Variants in MPRIP observed in about 807,000 individuals in gnomAD.
MPRIP encodes the protein myosin phosphatase Rho interacting protein.
MPRIP carries 59 observed loss-of-function variants against 234.9 expected under a neutral mutation model. The ratio of observed to expected loss-of-function variants is 0.25; its 90% CI spans 0.20 to 0.31. The LOEUF is 0.31. Among genes scored for constraint, MPRIP ranks in the 10% least tolerant of loss-of-function variants. MPRIP has a pLI of 1.00. For synonymous variants in MPRIP, 1,144 were observed against 1,263.9 expected, an observed-to-expected ratio of 0.91 and a Z score of 2.01; for missense variants, 2,436 against 3,071.0, an observed-to-expected ratio of 0.79 and a Z score of 4.89.
chr17:17,080,233 A>G (rs12450467), intron 3 of MPRIP, among the ~76,000 whole-genome samples: 12,570 of 152,254 alleles, frequency 0.083, 730 homozygotes, highest in East Asian at 0.16. Context: ...GGAGGCACTT[A>G]GGGTAGAAGC....
Position 17,158,766 on chromosome 17 carries a change from G to A in MPRIP, c.2164G>A (p.Gly722Arg), listed in dbSNP as rs777866376. The change falls in exon 14 of 24, where the codon GGG (glycine) becomes AGG (arginine). Residue 722 changes from glycine (G) to arginine (R), a missense_variant. Physicochemically the swap from Gly to Arg is moderately radical, Grantham distance 125 (BLOSUM62 -2). This residue lies in a region of MPRIP where 1,998 missense variants were observed against 2,520.3 expected (regional missense o/e 0.79). Transcript: ENST00000651222. The stretch of plus-strand genomic sequence containing the variant: ...CTTCGGGATGCTCGACGCCACAGAC[G>A]GGCCAGGCACTGAGGATGCAGCCCT... ...KRFGMLDATDGPGTEDAALRM... is the reference protein window; with the variant it reads ...KRFGMLDATDRPGTEDAALRM... The A allele has an allele frequency of 1.4e-5, 23 of 1,611,550 alleles. No homozygotes were observed. Among genetic ancestry groups the A allele is most frequent in the African/African-American group, 6.7e-5 (5 of 74,890 alleles).
Position 17,166,944 on chromosome 17 carries a change from C to G in MPRIP, c.5353C>G (p.Gln1785Glu), listed in dbSNP as rs1188877284. 1 of 1,304,256 alleles carries G rather than the reference C, an allele frequency of 7.7e-7. No individual in the cohort carries two copies. Among genetic ancestry groups the G allele is most frequent in the Non-Finnish European group, 1.0e-6 (1 of 988,962 alleles). 80.8% of individuals were successfully genotyped at this position (1,304,256 alleles called of 1,614,324 possible). A position where few individuals can be genotyped will look rare whatever the true frequency, so the allele number is the denominator to read the frequency against. The change falls in exon 16 of 24, where the codon CAG (glutamine) becomes GAG (glutamate). Residue 1785 changes from glutamine (Q) to glutamate (E), a missense_variant. Transcript: ENST00000651222. The surrounding 1 kb of genome is among the most constrained non-coding windows in gnomAD (Gnocchi z 4.4). ...FVAIQEELAQ[Q>E]LKEKASLLEE... The stretch of plus-strand genomic sequence containing the variant: ...TGCTATTCAGGAGGAGCTTGCCCAG[C>G]AGCTGAAGGAGAAGGCCAGCCTCTT...
At chr17:17,184,450 G>A (rs1337943054) in intron 23 of MPRIP, among the ~76,000 whole-genome samples, 1 of 152,206 alleles carries the variant, frequency 6.6e-6, no homozygotes, top group Non-Finnish European at 1.5e-5. Flanking sequence ...GCTGGATGTG[G>A]ACAAATCCAT....
chr17:17,126,053 C>A (rs1357445367), intron 3 of MPRIP, among the ~76,000 whole-genome samples: 1 of 152,208 alleles, frequency 6.6e-6, no homozygotes, highest in Non-Finnish European at 1.5e-5. Context: ...GTAGGGATTT[C>A]TTAAAGGCAT....
At chr17:17,152,368 C>G (rs886630013) in intron 12 of MPRIP, among the ~76,000 whole-genome samples, 2 of 152,256 alleles carry the variant, frequency 1.3e-5, no homozygotes, top group Admixed American at 1.3e-4. Flanking sequence ...TGAGAACTCA[C>G]CCCGCTCTCC....
At chr17:17,177,443 T>C in intron 22 of MPRIP, 31 bp downstream of exon 22, 4 of 1,602,572 alleles carry the variant, frequency 2.5e-6, no homozygotes, top group Non-Finnish European at 3.4e-6. Context: ...CTCTCGGTTA[T>C]TGCTGGGGGG....
At chr17:17,152,439 C>G (rs1466341868) in intron 12 of MPRIP, among the ~76,000 whole-genome samples, 1 of 152,258 alleles carries the variant, frequency 6.6e-6, no homozygotes, top group Non-Finnish European at 1.5e-5. Flanking sequence ...TCACTTCACC[C>G]TGGTAGGGCT....
chr17:17,166,619 ACAGT>A lies in MPRIP; in HGVS notation c.5033_5036del (p.Ser1678Ter), dbSNP rs2046003267. 7.7e-7 allele frequency: 1 copy of A among 1,304,044 alleles called. No homozygotes were observed. The highest frequency in any genetic ancestry group is 1.0e-6 in the Non-Finnish European group (1 of 988,880). The allele number at this position is 1,304,044 out of a possible 1,614,324, so 80.8% of individuals were successfully genotyped here. On this transcript the variant is annotated frameshift_variant, in exon 16 of 24. Coordinates refer to ENST00000651222, the MANE Select transcript of MPRIP (RefSeq NM_001364716.4). LOFTEE classifies it high-confidence loss of function. The surrounding 1 kb of genome is among the most constrained non-coding windows in gnomAD (Gnocchi z 4.4). ...TCAGGGCAGAGCTCAGCTTTGCCAC[ACAGT>A]CAGTGAGGGAGTCGTTCCACCGCAG...
rs1336635055 is a variant in MPRIP, at chr17:17,164,517, C to T, written c.2926C>T (p.Leu976=). 3 of 1,210,118 alleles carry T rather than the reference C, an allele frequency of 2.5e-6. No homozygotes were observed. The highest frequency in any genetic ancestry group is 3.2e-6 in the Non-Finnish European group (3 of 948,538). 75.0% of individuals were successfully genotyped at this position (1,210,118 alleles called of 1,614,324 possible). ...LLEKTQELRG[L]ETQQALQRDR... The stretch of plus-strand genomic sequence containing the variant: ...GGAGAAGACGCAGGAGCTACGGGGC[C>T]TGGAGACACAGCAGGCGCTGCAGCG... The change falls in exon 16 of 24, where the codon CTG becomes TTG. Residue 976 remains leucine (L), a synonymous_variant. Transcript: ENST00000651222.
chr17:17,094,128 T>A, intron 3 of MPRIP, among the ~76,000 whole-genome samples: 1 of 151,430 alleles, frequency 6.6e-6, no homozygotes, highest in Non-Finnish European at 1.5e-5. Flanking sequence ...TTTTGTGGGG[T>A]TTTTTTTGGT....
At chr17:17,182,352 C>A (rs1317050476) in intron 23 of MPRIP, 1 of 152,222 alleles carries the variant, frequency 6.6e-6, no homozygotes, top group Non-Finnish European at 1.5e-5. Flanking sequence ...CAGCAAGTTG[C>A]TTAGGAGCAG....
intron 3 of MPRIP, among the ~76,000 whole-genome samples, chr17:17,082,419 C>T (rs1215888765): frequency 2.6e-5 from 4 of 151,330 alleles, no homozygotes; most frequent in South Asian, 4.2e-4. Context: ...CCTCAGCCTC[C>T]GGAGTAGCTG....
intron 13 of MPRIP, among the ~76,000 whole-genome samples, chr17:17,155,068 G>T (rs1361827784): frequency 6.6e-6 from 1 of 152,184 alleles, no homozygotes; most frequent in Admixed American, 6.5e-5. Context: ...CTGGTCCTTT[G>T]ATGGCCAGAA....
At chr17:17,160,548 A>G (rs2045840576) in intron 14 of MPRIP, among the ~76,000 whole-genome samples, 2 of 152,198 alleles carry the variant, frequency 1.3e-5, no homozygotes, top group South Asian at 4.1e-4. Flanking sequence ...TGTGTAGGGA[A>G]GAGGTGGATG....
At chr17:17,160,784 C>G (rs1369600044) in intron 14 of MPRIP, among the ~76,000 whole-genome samples, 1 of 152,244 alleles carries the variant, frequency 6.6e-6, no homozygotes, top group African/African-American at 2.4e-5. Flanking sequence ...CCTGTAGAGC[C>G]TAGCCTGGCC....
At chr17:17,092,098 G>GT (rs1182392361) in intron 3 of MPRIP, among the ~76,000 whole-genome samples, 8 of 152,226 alleles carry the variant, frequency 5.3e-5, no homozygotes, top group Admixed American at 1.3e-4. Flanking sequence ...GGCTTGCTTT[G>GT]TTTGACTGCC....
At chr17:17,130,579 C>A (rs902958891) in intron 4 of MPRIP, among the ~76,000 whole-genome samples, 1 of 144,040 alleles carries the variant, frequency 6.9e-6, no homozygotes, top group Non-Finnish European at 1.5e-5. Flanking sequence ...CAGTACAGAC[C>A]CCCCCATCCC....
Position 17,167,623 on chromosome 17 carries a change from C to T in MPRIP, c.6032C>T (p.Thr2011Met), listed in dbSNP as rs982141075. 1.1e-5 allele frequency: 14 copies of T among 1,304,144 alleles called. No homozygotes were observed. Among genetic ancestry groups the T allele is most frequent in the African/African-American group, 3.0e-5 (2 of 65,854 alleles). The allele number at this position is 1,304,144 out of a possible 1,614,324, so 80.8% of individuals were successfully genotyped here. ...RFQLKVRELQ[T>M]IHEEELRTLQ... ...CAGCTCAAGGTCCGGGAGCTGCAGA[C>T]GATCCACGAGGAGGAGCTGAGGACC... Residue 2011 changes from threonine to methionine, a missense_variant, in exon 16 of 24, where the codon ACG becomes ATG. Coordinates refer to ENST00000651222, the MANE Select transcript of MPRIP (RefSeq NM_001364716.4). The surrounding 1 kb of genome is among the most constrained non-coding windows in gnomAD (Gnocchi z 5.9).
intron 1 of MPRIP, among the ~76,000 whole-genome samples, chr17:17,063,348 C>T (rs1486510960): frequency 6.6e-6 from 1 of 152,186 alleles, no homozygotes; most frequent in Non-Finnish European, 1.5e-5. Flanking sequence ...TTGTCCCCAG[C>T]GAGGAGATGT....
Sources: allele counts gnomAD v4.1 joint callset (sites outside exome capture counted in the v4.1 genomes callset), GRCh38; gene constraint gnomAD v4.1.1; regional missense constraint gnomAD v4.1.1; non-coding constraint Gnocchi (gnomAD v3.1); transcripts MANE v1.5; gene names NCBI Gene and HGNC (gene_info 2026-07-23, HGNC 2026-07-21).